Variants in RHEB observed in about 807,000 individuals in gnomAD.
RHEB encodes the protein GTP-binding protein Rheb.
RHEB carries 2 observed loss-of-function variants against 28.8 expected under a neutral mutation model. That is an observed-to-expected ratio of 0.07 (90% CI 0.03 to 0.22). RHEB has a LOEUF of 0.22. RHEB is among the 10% of genes least tolerant of loss of function. The probability of loss-of-function intolerance (pLI) is 1.00; values close to 1 mark genes in which losing one functional copy is unlikely to be tolerated. For synonymous variants in RHEB, 69 were observed against 77.3 expected, an observed-to-expected ratio of 0.89 and a Z score of 0.56; for missense variants, 76 against 219.9, an observed-to-expected ratio of 0.35 and a Z score of 4.14.
intron 4 of RHEB, among the ~76,000 whole-genome samples, chr7:151,473,633 A>C (rs999099770): frequency 6.6e-6 from 1 of 152,218 alleles, no homozygotes; most frequent in African/African-American, 2.4e-5. Flanking sequence ...CAGATTTCTA[A>C]AAAACAAAAC....
At chr7:151,485,028 G>T (rs895354103) in intron 2 of RHEB, among the ~76,000 whole-genome samples, 1 of 152,134 alleles carries the variant, frequency 6.6e-6, no homozygotes, top group African/African-American at 2.4e-5. Flanking sequence ...GGTAAACCTT[G>T]ATTCTTTTTC....
rs941220704 is a variant in RHEB, at chr7:151,482,515, G to A, written c.192+2222C>T. Among the ~76,000 whole-genome samples the A allele has an allele frequency of 2.6e-5, 4 of 152,192 alleles. No individual in the cohort carries two copies. In the East Asian group the frequency reaches 7.7e-4, roughly 29 times the overall value. On this transcript the variant is annotated intron_variant, in intron 3 of 7. Coordinates refer to ENST00000262187, the MANE Select transcript of RHEB (RefSeq NM_005614.4). ...AACAGTTATGAAATACTGGTTCCCT[G>A]AATTGCCTGATACAAAACGTGTTTC...
chr7:151,499,363 G>T (rs910062833), intron 1 of RHEB, among the ~76,000 whole-genome samples: 1 of 152,106 alleles, frequency 6.6e-6, no homozygotes, highest in Admixed American at 6.6e-5. Context: ...TATAAAAAAC[G>T]AAAAGAAAGG....
intron 2 of RHEB, among the ~76,000 whole-genome samples, chr7:151,490,043 C>G (rs1274478693): frequency 6.6e-6 from 1 of 152,202 alleles, no homozygotes; most frequent in African/African-American, 2.4e-5. Context: ...GTCCTGGTCT[C>G]AAGAATCTGA....
rs140516831 is a variant in RHEB, at chr7:151,484,743, G to A, written c.186C>T (p.Ala62=). ...GATACCAGAGGTCACTTACTTGCCCGGCTGTGTCTACAAGTTGAAGATGAT... is the reference window on the plus strand; with the variant it reads ...GATACCAGAGGTCACTTACTTGCCCAGCTGTGTCTACAAGTTGAAGATGAT... ...QEYHLQLVDT[A]GQDEYSIFPQ... Residue 62 remains alanine (A), a synonymous_variant, in exon 3 of 8, where the codon GCC becomes GCT. Coordinates refer to ENST00000262187, the MANE Select transcript of RHEB (RefSeq NM_005614.4). 31 of 1,608,534 alleles carry A rather than the reference G, an allele frequency of 1.9e-5. No individual in the cohort carries two copies. Among genetic ancestry groups the A allele is most frequent in the Middle Eastern group, 3.3e-4 (2 of 6,078 alleles).
intron 2 of RHEB, among the ~76,000 whole-genome samples, chr7:151,487,816 C>A (rs969773894): frequency 5.3e-5 from 8 of 152,190 alleles, no homozygotes; most frequent in African/African-American, 1.7e-4. Flanking sequence ...GAATCCATTT[C>A]CAACCTAAAC....
chr7:151,474,526 A>C (rs1802230666), intron 4 of RHEB, among the ~76,000 whole-genome samples: 1 of 150,646 alleles, frequency 6.6e-6, no homozygotes, highest in Non-Finnish European at 1.5e-5. Context: ...CTCAGATAGG[A>C]GAGATCTACT....
intron 1 of RHEB, among the ~76,000 whole-genome samples, chr7:151,495,280 G>A (rs559853619): frequency 6.6e-6 from 1 of 152,306 alleles, no homozygotes; most frequent in East Asian, 1.9e-4. Flanking sequence ...ACTCAGATGT[G>A]TGTTTATCCT....
intron 1 of RHEB, chr7:151,501,964 G>T: frequency 1.5e-6 from 1 of 648,554 alleles, no homozygotes; most frequent in Non-Finnish European, 2.9e-6. Context: ...CGGGCTGGGC[G>T]CCGTGGCTCA....
intron 1 of RHEB, among the ~76,000 whole-genome samples, chr7:151,517,651 CAG>C (rs1212465721): frequency 7.8e-6 from 1 of 127,480 alleles, no homozygotes; most frequent in Non-Finnish European, 1.6e-5. Flanking sequence ...GAAGATAAAA[CAG>C]AATGGATTTC....
chr7:151,508,257 T>G (rs1461792058), intron 1 of RHEB, among the ~76,000 whole-genome samples: 2 of 152,156 alleles, frequency 1.3e-5, no homozygotes, highest in African/African-American at 2.4e-5. Context: ...GAAAATGAGA[T>G]ATGAAATAGA....
chr7:151,471,169 CA>C lies in RHEB; in HGVS notation c.380+224del, dbSNP rs1255485458. Among the ~76,000 whole-genome samples, 4 of 152,336 alleles carry C rather than the reference CA, an allele frequency of 2.6e-5. No individual in the cohort carries two copies. In the East Asian group the frequency reaches 7.7e-4, roughly 29 times the overall value. The stretch of plus-strand genomic sequence containing the variant: ...ATGTCTTTTTAGAATTTGCTTTATG[CA>C]AAGTGGCAGATAACCTAAAGGTAGT... On this transcript the variant is annotated intron_variant, in intron 6 of 7. Coordinates refer to ENST00000262187, the MANE Select transcript of RHEB (RefSeq NM_005614.4).
intron 1 of RHEB, among the ~76,000 whole-genome samples, chr7:151,506,314 C>T (rs1044137264): frequency 6.6e-6 from 1 of 151,836 alleles, no homozygotes; most frequent in African/African-American, 2.4e-5. Flanking sequence ...TCTCTCAAAG[C>T]ACTGGGATTA....
chr7:151,494,225 G>A (rs1463803365), intron 1 of RHEB, among the ~76,000 whole-genome samples: 2 of 152,346 alleles, frequency 1.3e-5, no homozygotes, highest in East Asian at 1.9e-4. Context: ...GAGGGGCTAA[G>A]TATGATACAT....
rs1408613926 is a variant in RHEB, at chr7:151,511,239, A to G, written c.52+8221T>C. On this transcript the variant is annotated intron_variant, in intron 1 of 7. Transcript: ENST00000262187. ...TTCACAAATTATGTACTATGCCATC[A>G]GGTAGTTATTAACATTCAACTCTCA... is the stretch of plus-strand genomic sequence containing the variant. 3.3e-5 allele frequency among the ~76,000 whole-genome samples: 5 copies of G among 152,240 alleles called. No individual in the cohort carries two copies. In the East Asian group the frequency reaches 9.6e-4, roughly 29 times the overall value.
chr7:151,502,260 C>T, intron 1 of RHEB: 2 of 580,098 alleles, frequency 3.4e-6, no homozygotes, highest in South Asian at 2.2e-5. Flanking sequence ...AGCTTGGAGG[C>T]AGCCTGCAGC....
At chr7:151,502,878 T>C (rs1802797477) in intron 1 of RHEB, 7 of 856,542 alleles carry the variant, frequency 8.2e-6, no homozygotes, top group South Asian at 8.0e-5. Context: ...CAATCTGATA[T>C]GTTTGATCAG....
Position 151,519,776 on chromosome 7 carries a change from G to GC in RHEB, c.-266dup, listed in dbSNP as rs1280890541. On this transcript the variant is annotated 5_prime_UTR_variant, in exon 1 of 8. Transcript: ENST00000262187. ...CTTCGCGCCGTGGCCCGCCGCCTCC[G>GC]CCCCCCGAAATACGCGGGGGGTGCG... The GC allele has an allele frequency of 3.1e-6, 1 of 326,236 alleles. No homozygotes were observed. Among genetic ancestry groups the GC allele is most frequent in the African/African-American group, 2.2e-5 (1 of 46,128 alleles). 20.2% of individuals were successfully genotyped at this position (326,236 alleles called of 1,614,324 possible).
intron 1 of RHEB, among the ~76,000 whole-genome samples, chr7:151,495,588 C>T (rs1802658342): frequency 6.6e-6 from 1 of 152,162 alleles, no homozygotes; most frequent in African/African-American, 2.4e-5. Context: ...GCAAAATAGG[C>T]ACTGTTTACA....
Sources: allele counts gnomAD v4.1 joint callset (sites outside exome capture counted in the v4.1 genomes callset), GRCh38; gene constraint gnomAD v4.1.1; transcripts MANE v1.5; gene names NCBI Gene and HGNC (gene_info 2026-07-23, HGNC 2026-07-21).